Variants in KIF1A observed in about 807,000 individuals in gnomAD.
KIF1A encodes the protein kinesin-like protein KIF1A.
KIF1A carries 46 observed loss-of-function variants against 227.3 expected under a neutral mutation model. That is an observed-to-expected ratio of 0.20 (90% CI 0.16 to 0.26). The LOEUF (loss-of-function observed/expected upper bound fraction) is 0.26, where lower values mean the gene tolerates loss of function less well. Among genes scored for constraint, KIF1A ranks in the 10% least tolerant of loss-of-function variants. The pLI is 1.00. For missense variants in KIF1A, 1,683 were observed against 2,485.9 expected (o/e 0.68, Z 6.87); for synonymous variants, 1,022 against 1,012.8 (o/e 1.01, Z -0.17).
In KIF1A at chr2:240,770,951, G is replaced by A. The variant is rs757570548; in HGVS notation, c.1341+20C>T. On this transcript the variant is annotated intron_variant, in intron 15 of 48. Transcript: ENST00000498729. ...CACTCCCAGAGTCTGACACCCTGAA[G>A]CCCCAGGTGGTGCCCTCACCTTCAG... is the stretch of plus-strand genomic sequence containing the variant. 5.6e-6 allele frequency: 9 copies of A among 1,607,540 alleles called. No homozygotes were observed. Among genetic ancestry groups the A allele is most frequent in the Admixed American group, 5.0e-5 (3 of 59,956 alleles).
chr2:240,807,140 A>G (rs990390335), intron 1 of KIF1A, among the ~76,000 whole-genome samples: 1 of 150,348 alleles, frequency 6.7e-6, no homozygotes, highest in African/African-American at 2.5e-5. Context: ...GTATATATAT[A>G]TATATATATA....
chr2:240,763,105 T>C lies in KIF1A; in HGVS notation c.1950-14A>G, dbSNP rs946578173. 1.9e-5 allele frequency: 31 copies of C among 1,594,902 alleles called. No individual in the cohort carries two copies. Among genetic ancestry groups the C allele is most frequent in the Non-Finnish European group, 2.4e-5 (28 of 1,173,054 alleles). ...AGTTCCTGGAGCCTGCAAGGGGGCATTGGGGTGAGCACGGGAGGGCAGGAG... is the reference window on the plus strand; with the variant it reads ...AGTTCCTGGAGCCTGCAAGGGGGCACTGGGGTGAGCACGGGAGGGCAGGAG... On this transcript the variant is annotated splice_polypyrimidine_tract_variant and intron_variant, in intron 21 of 48. Transcript: ENST00000498729.
intron 34 of KIF1A, 144 bp from the exon 35 acceptor site, chr2:240,741,521 A>C (rs2047966506): frequency 1.6e-6 from 1 of 617,442 alleles, no homozygotes; most frequent in African/African-American, 1.9e-5. Context: ...ACAACCAGCC[A>C]ACCCCAGCCA....
At chr2:240,731,889 G>C (rs1221121168) in intron 38 of KIF1A, among the ~76,000 whole-genome samples, 1 of 13,074 alleles carries the variant, frequency 7.6e-5, no homozygotes, top group Admixed American at 4.7e-4. Context: ...AGGGATGAGG[G>C]GAGGAGGGGA....
rs113190648 is a variant in KIF1A at position 240,807,151 on chromosome 2, T to C, written c.-60-9339A>G. Reference sequence around the variant, plus strand: ...GTGTGTATATATATATATATATATATACACAGAGAGAGAGAGAGAGTTTCA... The same window carrying C: ...GTGTGTATATATATATATATATATACACACAGAGAGAGAGAGAGAGTTTCA... On this transcript the variant is annotated intron_variant, in intron 1 of 48. Transcript: ENST00000498729. 4.2e-3 allele frequency among the ~76,000 whole-genome samples: 577 copies of C among 136,222 alleles called. 2 individuals are homozygous for C. The highest frequency in any genetic ancestry group is 8.8e-3 in the African/African-American group (322 of 36,726). The allele number at this position is 136,222 out of a possible 152,430, so 89.4% of individuals were successfully genotyped here.
At chr2:240,779,167 G>C (rs1229607378) in intron 10 of KIF1A, among the ~76,000 whole-genome samples, 13 of 130,620 alleles carry the variant, frequency 1.0e-4, no homozygotes, top group African/African-American at 4.1e-4. Context: ...TCCACACTCA[G>C]TTCCACACTC....
chr2:240,782,850 G>A (rs528627357), intron 9 of KIF1A, among the ~76,000 whole-genome samples, 194 bp downstream of exon 9: 9 of 152,276 alleles, frequency 5.9e-5, no homozygotes, highest in African/African-American at 2.2e-4. Flanking sequence ...TACAGGCGGG[G>A]AAACTGAGGG....
At chr2:240,813,978 G>A (rs2058141984) in intron 1 of KIF1A, among the ~76,000 whole-genome samples, 2 of 152,260 alleles carry the variant, frequency 1.3e-5, no homozygotes, top group Admixed American at 1.3e-4. Flanking sequence ...ATTTAGAAAC[G>A]TGAAGATTTT....
chr2:240,768,986 T>C, intron 17 of KIF1A, 147 bp downstream of exon 17: 1 of 700,216 alleles, frequency 1.4e-6, no homozygotes, highest in Non-Finnish European at 2.6e-6. Context: ...AGTGTGACTA[T>C]GGGTGAGCTT....
At chr2:240,723,852 A>G in intron 41 of KIF1A, 123 bp downstream of exon 41, 4 of 893,390 alleles carry the variant, frequency 4.5e-6, no homozygotes, top group South Asian at 1.4e-5. Context: ...AGAAGCCACA[A>G]GGTGAGTGCT....
intron 27 of KIF1A, 121 bp from the exon 28 acceptor site, chr2:240,750,668 C>T (rs918183065): frequency 1.9e-5 from 14 of 733,592 alleles, no homozygotes; most frequent in East Asian, 5.4e-5. Flanking sequence ...GGGAAGCCGC[C>T]GGACAGGACA....
rs550324785 is a variant in KIF1A at position 240,740,693 on chromosome 2, C to G, written c.3750-329G>C. Among the ~76,000 whole-genome samples, 20 of 151,962 alleles carry G rather than the reference C, an allele frequency of 1.3e-4. No individual in the cohort carries two copies. The highest frequency in any genetic ancestry group is 2.5e-4 in the Non-Finnish European group (17 of 67,962). On this transcript the variant is annotated intron_variant, in intron 35 of 48. Transcript: ENST00000498729. This position sits in a 1 kb window ranked among gnomAD's most constrained non-coding sequence, Gnocchi z 6.1. The stretch of plus-strand genomic sequence containing the variant: ...CCTCATGCCCTGCAGATCCGCAACC[C>G]AAGGCCAGAGGATCCAGAGGAAATC...
intron 20 of KIF1A, among the ~76,000 whole-genome samples, chr2:240,764,791 G>A (rs1384609774): frequency 3.3e-5 from 5 of 152,114 alleles, no homozygotes; most frequent in African/African-American, 9.7e-5. Flanking sequence ...CCCCAACGGT[G>A]GGGTGGGCCT....
At chr2:240,767,215 C>T (rs1469644226) in intron 18 of KIF1A, 51 bp downstream of exon 18, 2 of 1,495,032 alleles carry the variant, frequency 1.3e-6, no homozygotes, top group East Asian at 2.3e-5. Context: ...CCTTCCCCTG[C>T]CAGATCCCAG....
rs774604596 is a variant in KIF1A at position 240,761,362 on chromosome 2, C to T, written c.2132G>A (p.Arg711Gln). Reference protein sequence around the residue: ...EPEDEVQWTERECELALWAFR... With the variant: ...EPEDEVQWTEQECELALWAFR... ...GGCCCAGAGCGCCAGCTCACACTCC[C>T]GCTCTGTCCACTGGACTGTGGGGAG... The change falls in exon 24 of 49, where the codon CGG becomes CAG. Residue 711 changes from arginine (R) to glutamine (Q), a missense_variant. Transcript: ENST00000498729. 34 of 1,609,968 alleles carry T rather than the reference C, an allele frequency of 2.1e-5. No individual in the cohort carries two copies. The Admixed American group carries it at 2.7e-4, about 13-fold the overall frequency.
rs2056585069 is a variant in KIF1A at position 240,797,961 on chromosome 2, G to A, written c.-60-149C>T. On this transcript the variant is annotated intron_variant, in intron 1 of 48. Transcript: ENST00000498729. ...TGGGGTGGAATCCACAAGGAGAGGAGGCAGCGCAGATAATTCTAGAAAGCA... is the reference window on the plus strand; with the variant it reads ...TGGGGTGGAATCCACAAGGAGAGGAAGCAGCGCAGATAATTCTAGAAAGCA... 3 of 511,464 alleles carry A rather than the reference G, an allele frequency of 5.9e-6. No homozygotes were observed. The South Asian group carries it at 9.4e-5, about 16-fold the overall frequency. 31.7% of individuals were successfully genotyped at this position (511,464 alleles called of 1,614,324 possible).
chr2:240,743,301 G>T (rs999250710), intron 33 of KIF1A, among the ~76,000 whole-genome samples: 8 of 152,308 alleles, frequency 5.3e-5, no homozygotes, highest in South Asian at 2.1e-4. Flanking sequence ...CACCCTGGAG[G>T]GCCCCTGAGC....
chr2:240,748,685 G>A, intron 28 of KIF1A: 1 of 332,714 alleles, frequency 3.0e-6, no homozygotes, highest in Non-Finnish European at 6.3e-6. Flanking sequence ...CAGGGCTGGG[G>A]CCCTTCCCTG....
intron 28 of KIF1A, among the ~76,000 whole-genome samples, chr2:240,750,134 C>A (rs958286429): frequency 2.0e-5 from 3 of 152,258 alleles, no homozygotes; most frequent in African/African-American, 7.2e-5. Flanking sequence ...TCAGCCTGCA[C>A]AGCCCCCAAG....
Sources: allele counts gnomAD v4.1 joint callset (sites outside exome capture counted in the v4.1 genomes callset), GRCh38; gene constraint gnomAD v4.1.1; non-coding constraint Gnocchi (gnomAD v3.1); transcripts MANE v1.5; gene names NCBI Gene and HGNC (gene_info 2026-07-23, HGNC 2026-07-21).